The following KCNQ3 variants were observed in gnomAD, a reference collection of about 807,000 sequenced individuals.
The protein encoded by KCNQ3 is potassium voltage-gated channel subfamily KQT member 3.
In KCNQ3, 30 loss-of-function variants were observed where a neutral mutation model predicts 92.5. That is an observed-to-expected ratio of 0.32 (90% CI 0.24 to 0.44). The LOEUF is 0.44. Among genes scored for constraint, KCNQ3 ranks in the 20% least tolerant of loss-of-function variants. The pLI is 1.00. For synonymous variants in KCNQ3, 450 were observed against 468.8 expected (o/e 0.96, Z 0.52); for missense variants, 913 against 1,140.3 (o/e 0.80, Z 2.87).
intron 1 of KCNQ3, among the ~76,000 whole-genome samples, chr8:132,406,937 G>C (rs1197295514): frequency 1.3e-5 from 2 of 152,180 alleles, no homozygotes; most frequent in Non-Finnish European, 2.9e-5. Context: ...GAAGGACAAA[G>C]GGAAAGTGAA....
intron 1 of KCNQ3, among the ~76,000 whole-genome samples, chr8:132,447,856 G>A (rs1211759903): frequency 2.0e-5 from 3 of 152,162 alleles, no homozygotes; most frequent in Admixed American, 2.0e-4. Flanking sequence ...TTTAAGAGAT[G>A]GAAACAGAAG....
chr8:132,202,247 C>T (rs1827487132), intron 1 of KCNQ3, among the ~76,000 whole-genome samples: 1 of 152,104 alleles, frequency 6.6e-6, no homozygotes, highest in South Asian at 2.1e-4. Flanking sequence ...CTCTCAAAGT[C>T]CTAGATTTTG....
chr8:132,187,242 T>A, intron 1 of KCNQ3: 1 of 456,058 alleles, frequency 2.2e-6, no homozygotes. Context: ...AATATTTAAA[T>A]GGCAGACGTT....
At chr8:132,269,350 G>A (rs1217492050) in intron 1 of KCNQ3, among the ~76,000 whole-genome samples, 2 of 152,126 alleles carry the variant, frequency 1.3e-5, no homozygotes, top group African/African-American at 4.8e-5. Flanking sequence ...ATTTAGGTCT[G>A]TGATCCATTT....
intron 1 of KCNQ3, among the ~76,000 whole-genome samples, chr8:132,239,892 A>G (rs1814931353): frequency 6.6e-6 from 1 of 152,236 alleles, no homozygotes; most frequent in Non-Finnish European, 1.5e-5. Flanking sequence ...ACAACCTTTG[A>G]CACAAAGTAG....
chr8:132,163,802 A>T (rs1319558264), intron 8 of KCNQ3, among the ~76,000 whole-genome samples: 1 of 152,210 alleles, frequency 6.6e-6, no homozygotes, highest in Non-Finnish European at 1.5e-5. Context: ...AGCTCAGGAA[A>T]TTTATTTGGT....
rs560407473 is a variant in KCNQ3, at chr8:132,480,129, G to C, written c.386+18C>G. ...AGCGCGCCGCCGCCGAGGGCGCCCC[G>C]AGCGGCCGGGTACTCACACCAACGC... On this transcript the variant is annotated intron_variant, in intron 1 of 14. Coordinates refer to ENST00000388996, the MANE Select transcript of KCNQ3 (RefSeq NM_004519.4). The C allele has an allele frequency of 1.2e-5, 19 of 1,604,686 alleles. No homozygotes were observed. In the East Asian group the frequency reaches 3.8e-4, roughly 32 times the overall value.
chr8:132,346,420 C>T (rs768896680), intron 1 of KCNQ3, among the ~76,000 whole-genome samples: 1 of 152,114 alleles, frequency 6.6e-6, no homozygotes, highest in Non-Finnish European at 1.5e-5. Context: ...GAGGCGGAGG[C>T]GGGAGCATTT....
intron 1 of KCNQ3, among the ~76,000 whole-genome samples, chr8:132,373,791 G>A (rs555228669): frequency 1.3e-5 from 2 of 152,154 alleles, no homozygotes; most frequent in East Asian, 3.9e-4. Flanking sequence ...GGAGACAGCT[G>A]CCCTGAAGAT....
At chr8:132,163,817 G>A (rs576759063) in intron 8 of KCNQ3, among the ~76,000 whole-genome samples, 1 of 152,310 alleles carries the variant, frequency 6.6e-6, no homozygotes, top group Admixed American at 6.5e-5. Flanking sequence ...TTTGGTGGTG[G>A]AGACAGACCA....
chr8:132,151,878 A>G (rs1042590689), intron 9 of KCNQ3, among the ~76,000 whole-genome samples: 6 of 152,218 alleles, frequency 3.9e-5, no homozygotes, highest in African/African-American at 1.2e-4. Flanking sequence ...AGTGGTATAC[A>G]ATCTTCTTTA....
In KCNQ3 at chr8:132,369,573, G is replaced by GCACACACACA. The variant is rs3049658; in HGVS notation, c.386+110564_386+110573dup. On this transcript the variant is annotated intron_variant, in intron 1 of 14. Coordinates refer to ENST00000388996, the MANE Select transcript of KCNQ3 (RefSeq NM_004519.4). Reference sequence around the variant, plus strand: ...TACAAAGTAAGGAGGTGCTCAAACAGCACACACACACACACACACACACAC... The same window carrying GCACACACACA: ...TACAAAGTAAGGAGGTGCTCAAACAGCACACACACACACACACACACACACACACACACAC... Among the ~76,000 whole-genome samples, 17 of 148,250 alleles carry GCACACACACA rather than the reference G, an allele frequency of 1.1e-4. No homozygotes were observed. The South Asian group carries it at 3.4e-3, about 30-fold the overall frequency.
chr8:132,461,565 CA>C (rs1008937059), intron 1 of KCNQ3, among the ~76,000 whole-genome samples: 1 of 151,712 alleles, frequency 6.6e-6, no homozygotes, highest in Non-Finnish European at 1.5e-5. Flanking sequence ...GACTCCGTCT[CA>C]AAAAAAAGAA....
intron 1 of KCNQ3, among the ~76,000 whole-genome samples, chr8:132,237,712 G>A (rs1814861799): frequency 6.6e-6 from 1 of 152,108 alleles, no homozygotes; most frequent in African/African-American, 2.4e-5. Context: ...TTGAAAGCTG[G>A]GTGGTTTGTT....
chr8:132,412,577 T>G (rs1440718947), intron 1 of KCNQ3, among the ~76,000 whole-genome samples: 1 of 152,144 alleles, frequency 6.6e-6, no homozygotes, highest in Non-Finnish European at 1.5e-5. Flanking sequence ...GTAAAAGAAG[T>G]GTGCATATTT....
chr8:132,385,673 A>G (rs1819871344), intron 1 of KCNQ3, among the ~76,000 whole-genome samples: 1 of 152,170 alleles, frequency 6.6e-6, no homozygotes, highest in African/African-American at 2.4e-5. Context: ...CCTCACCTTG[A>G]AGAGCAGAAT....
intron 1 of KCNQ3, among the ~76,000 whole-genome samples, chr8:132,329,637 C>A (rs771491466): frequency 2.0e-5 from 3 of 152,210 alleles, no homozygotes; most frequent in South Asian, 2.1e-4. Flanking sequence ...CTCTAACTAA[C>A]CATGCCAAGC....
intron 1 of KCNQ3, among the ~76,000 whole-genome samples, chr8:132,223,340 G>A (rs1217778703): frequency 6.6e-6 from 1 of 152,202 alleles, no homozygotes; most frequent in East Asian, 1.9e-4. Context: ...CAGGGAAGCA[G>A]ACAGCTGAGC....
chr8:132,183,482 T>C (rs62519599), intron 3 of KCNQ3, among the ~76,000 whole-genome samples: 5,812 of 152,206 alleles, frequency 0.038, 173 homozygotes, highest in Non-Finnish European at 0.056. Flanking sequence ...CTTCCAGCCC[T>C]GACACTCTAT....
Sources: gnomAD v4.1 joint callset for allele counts (sites outside exome capture counted in the v4.1 genomes callset) on GRCh38, gnomAD v4.1.1 for gene constraint, MANE v1.5 for transcripts, NCBI Gene and HGNC (gene_info 2026-07-23, HGNC 2026-07-21) for gene names.